The following EYS variants were observed in gnomAD, a reference collection of about 807,000 sequenced individuals.
EYS encodes the protein EGF-like photoreceptor maintenance factor.
In EYS, 250 loss-of-function variants were observed where a neutral mutation model predicts 282.1. That is an observed-to-expected ratio of 0.89 (90% CI 0.80 to 0.98). The LOEUF is 0.98. EYS is among the 50% of genes least tolerant of loss of function. The pLI is 0.00. For synonymous variants in EYS, 1,355 were observed against 1,282.9 expected, an observed-to-expected ratio of 1.06 and a Z score of -1.20; for missense variants, 4,016 against 3,709.0, an observed-to-expected ratio of 1.08 and a Z score of -2.15.
intron 2 of EYS, among the ~76,000 whole-genome samples, chr6:65,619,215 C>T (rs897253067): frequency 6.6e-6 from 1 of 151,496 alleles, no homozygotes; most frequent in Non-Finnish European, 1.5e-5. Flanking sequence ...TGTTTGTATC[C>T]TCTTTTATTT....
chr6:65,084,248 T>C (rs533883665), intron 12 of EYS, among the ~76,000 whole-genome samples: 47 of 152,250 alleles, frequency 3.1e-4, no homozygotes, highest in Non-Finnish European at 5.9e-4. Flanking sequence ...AGACTATTGT[T>C]AATGACAATT....
intron 41 of EYS, among the ~76,000 whole-genome samples, chr6:63,753,825 C>T (rs1489600408): frequency 6.6e-6 from 1 of 152,082 alleles, no homozygotes; most frequent in African/African-American, 2.4e-5. Context: ...ATGTTTTTTT[C>T]AGATGAAGGG....
intron 12 of EYS, among the ~76,000 whole-genome samples, chr6:65,149,465 C>T (rs1359104837): frequency 6.6e-6 from 1 of 152,134 alleles, no homozygotes; most frequent in African/African-American, 2.4e-5. Flanking sequence ...TTGGTCAAAA[C>T]CATTCAACAT....
At chr6:64,273,174 T>G (rs1767997161) in intron 30 of EYS, among the ~76,000 whole-genome samples, 2 of 152,218 alleles carry the variant, frequency 1.3e-5, no homozygotes, top group African/African-American at 2.4e-5. Flanking sequence ...TTTATTCTGC[T>G]TTTTGCACAT....
At chr6:64,831,916 A>G (rs1268138167) in intron 19 of EYS, among the ~76,000 whole-genome samples, 1 of 151,984 alleles carries the variant, frequency 6.6e-6, no homozygotes, top group East Asian at 1.9e-4. Flanking sequence ...CAAGAAAGGT[A>G]TGTGAAATGA....
rs572426725 is a variant in EYS, at chr6:64,732,337, T to C, written c.3443+81041A>G. Among the ~76,000 whole-genome samples, 4 of 152,206 alleles carry C rather than the reference T, an allele frequency of 2.6e-5. No individual in the cohort carries two copies. In the East Asian group the frequency reaches 7.7e-4, roughly 29 times the overall value. ...AAAAAAAAAAGATGTTATTACCTCC[T>C]GGACTGGATTGCAGAGAAAACTGTA... On this transcript the variant is annotated intron_variant, in intron 22 of 42. Transcript: ENST00000503581.
chr6:65,330,823 C>G, intron 11 of EYS: 4 of 944,054 alleles, frequency 4.2e-6, no homozygotes, highest in Middle Eastern at 5.4e-4. Flanking sequence ...TTTTAGATCC[C>G]TATACACATT....
chr6:63,941,773 C>T lies in EYS; in HGVS notation c.7055+42610G>A, dbSNP rs570374894. Among the ~76,000 whole-genome samples, 20 of 152,198 alleles carry T rather than the reference C, an allele frequency of 1.3e-4. No homozygotes were observed. In the East Asian group the frequency reaches 3.9e-3, roughly 29 times the overall value. ...TCCCCTTACCTATACAGCTGCTAAG[C>T]TCCCTTACCTATACAGCTGCTAAGC... On this transcript the variant is annotated intron_variant, in intron 35 of 42. Coordinates refer to ENST00000503581, the MANE Select transcript of EYS (RefSeq NM_001142800.2).
At chr6:65,588,086 C>T (rs1033614060) in intron 2 of EYS, among the ~76,000 whole-genome samples, 1 of 151,958 alleles carries the variant, frequency 6.6e-6, no homozygotes, top group African/African-American at 2.4e-5. Context: ...AATTTTGTGA[C>T]AGTGATTAAA....
intron 36 of EYS, among the ~76,000 whole-genome samples, chr6:63,811,617 T>C (rs927530424): frequency 1.2e-4 from 19 of 152,184 alleles, no homozygotes; most frequent in African/African-American, 3.6e-4. Flanking sequence ...TCCCTGCTTT[T>C]TTCCAGAGCT....
At chr6:64,609,478 G>T (rs1767040130) in intron 24 of EYS, among the ~76,000 whole-genome samples, 1 of 152,310 alleles carries the variant, frequency 6.6e-6, no homozygotes, top group Non-Finnish European at 1.5e-5. Flanking sequence ...TGAGGCTAGA[G>T]AAGTTATCAG....
At chr6:64,574,265 A>C (rs1765813682) in intron 26 of EYS, among the ~76,000 whole-genome samples, 1 of 151,946 alleles carries the variant, frequency 6.6e-6, no homozygotes, top group Non-Finnish European at 1.5e-5. Flanking sequence ...ATCACACACC[A>C]GGGCCTATTG....
intron 31 of EYS, among the ~76,000 whole-genome samples, 186 bp from the exon 32 acceptor site, chr6:64,082,188 C>G (rs906445371): frequency 6.6e-6 from 1 of 151,990 alleles, no homozygotes; most frequent in Non-Finnish European, 1.5e-5. Flanking sequence ...TCAAATAATT[C>G]ACTACCAGTA....
chr6:65,327,282 T>A (rs1449476248), intron 11 of EYS, among the ~76,000 whole-genome samples: 3 of 151,712 alleles, frequency 2.0e-5, no homozygotes, highest in Non-Finnish European at 4.4e-5. Flanking sequence ...CAAAGTGTTA[T>A]AATGAACCTC....
intron 22 of EYS, among the ~76,000 whole-genome samples, chr6:64,800,828 T>C (rs1774521423): frequency 6.6e-6 from 1 of 152,048 alleles, no homozygotes; most frequent in African/African-American, 2.4e-5. Flanking sequence ...TTTGAAAATG[T>C]AGCTGCAAGC....
chr6:65,058,335 G>C (rs1438446818), intron 12 of EYS, among the ~76,000 whole-genome samples: 2 of 151,992 alleles, frequency 1.3e-5, no homozygotes, highest in Non-Finnish European at 2.9e-5. Context: ...ATTTTCAGTA[G>C]AGACAGGGCT....
At chr6:63,875,706 G>C (rs979836525) in intron 35 of EYS, among the ~76,000 whole-genome samples, 7 of 152,080 alleles carry the variant, frequency 4.6e-5, no homozygotes, top group African/African-American at 7.2e-5. Flanking sequence ...TTGGGAGGGT[G>C]TATGTGTCAA....
chr6:64,779,849 T>A (rs1363606601), intron 22 of EYS, among the ~76,000 whole-genome samples: 1 of 152,164 alleles, frequency 6.6e-6, no homozygotes, highest in Non-Finnish European at 1.5e-5. Context: ...TTTGATAGAT[T>A]AGTGATAAAA....
chr6:64,515,240 A>T (rs562464545), intron 26 of EYS, among the ~76,000 whole-genome samples: 1 of 151,714 alleles, frequency 6.6e-6, no homozygotes, highest in Admixed American at 6.6e-5. Flanking sequence ...GAATAATTTT[A>T]TGCTTCTCAA....
Sources: gnomAD v4.1 joint callset for allele counts (sites outside exome capture counted in the v4.1 genomes callset) on GRCh38, gnomAD v4.1.1 for gene constraint, MANE v1.5 for transcripts, NCBI Gene and HGNC (gene_info 2026-07-23, HGNC 2026-07-21) for gene names.